Variants in CNDP1 observed in about 807,000 individuals in gnomAD.
CNDP1 encodes the protein carnosine dipeptidase 1.
A neutral mutation model predicts 58.1 loss-of-function variants in CNDP1; 44 were observed. That is an observed-to-expected ratio of 0.76 (90% CI 0.60 to 0.97). The LOEUF is 0.97. Ranked by LOEUF, CNDP1 falls within the 50% of genes least tolerant of loss-of-function variation. The pLI, the probability that CNDP1 is intolerant of heterozygous loss-of-function variation, is 0.00. For synonymous variants in CNDP1, 254 were observed against 252.6 expected, an observed-to-expected ratio of 1.01 and a Z score of -0.05; for missense variants, 616 against 655.1, an observed-to-expected ratio of 0.94 and a Z score of 0.65.
At chr18:74,575,174 G>A (rs1981598845) in intron 7 of CNDP1, among the ~76,000 whole-genome samples, 1 of 151,816 alleles carries the variant, frequency 6.6e-6, no homozygotes, top group South Asian at 2.1e-4. Context: ...GGAAGGAAAA[G>A]GTAAATGAGG....
intron 1 of CNDP1, among the ~76,000 whole-genome samples, chr18:74,535,160 A>G (rs1980455664): frequency 6.6e-6 from 1 of 152,174 alleles, no homozygotes; most frequent in Non-Finnish European, 1.5e-5. Flanking sequence ...CGAGGTTTCC[A>G]TGGTTCAGGT....
At chr18:74,559,001 A>G (rs148725073) in intron 2 of CNDP1, among the ~76,000 whole-genome samples, 2,164 of 152,186 alleles carry the variant, frequency 0.014, 19 homozygotes, top group Non-Finnish European at 0.022. Flanking sequence ...TAATAATTAG[A>G]AACAGTGGGT....
At chr18:74,569,308 A>G (rs1981410243) in intron 6 of CNDP1, among the ~76,000 whole-genome samples, 1 of 152,182 alleles carries the variant, frequency 6.6e-6, no homozygotes, top group Non-Finnish European at 1.5e-5. Context: ...GGCAGGAAGG[A>G]TGGGAGGGAA....
intron 1 of CNDP1, among the ~76,000 whole-genome samples, chr18:74,548,464 G>A (rs777903658): frequency 4.6e-5 from 7 of 152,080 alleles, no homozygotes; most frequent in Non-Finnish European, 1.0e-4. Context: ...AGCAGATGCC[G>A]GCACCATGCT....
intron 1 of CNDP1, among the ~76,000 whole-genome samples, chr18:74,553,170 A>G (rs537753405): frequency 3.6e-4 from 55 of 152,314 alleles, no homozygotes; most frequent in African/African-American, 1.2e-3. Context: ...TATAGTCTCA[A>G]CATAAGTCCT....
Position 74,547,947 on chromosome 18 carries a change from T to C in CNDP1, c.25-8391T>C, listed in dbSNP as rs368425328. Among the ~76,000 whole-genome samples the C allele has an allele frequency of 4.6e-4, 70 of 152,256 alleles. 1 individual carries two copies. The South Asian group carries it at 5.0e-3, about 11-fold the overall frequency. On this transcript the variant is annotated intron_variant, in intron 1 of 11. Coordinates refer to ENST00000358821, the MANE Select transcript of CNDP1 (RefSeq NM_032649.6). ...ACCACCTGGAATAAACACAGGCCTA[T>C]GCAGCAAGTGGGGTTCCCCTCAGGG... is the stretch of plus-strand genomic sequence containing the variant.
intron 5 of CNDP1, among the ~76,000 whole-genome samples, chr18:74,563,933 T>C (rs1329873435): frequency 6.6e-6 from 1 of 152,214 alleles, no homozygotes; most frequent in East Asian, 1.9e-4. Flanking sequence ...AGCAATTGTT[T>C]GCTAGTTCAA....
intron 1 of CNDP1, among the ~76,000 whole-genome samples, chr18:74,542,866 G>A (rs1238644435): frequency 2.0e-5 from 3 of 152,192 alleles, no homozygotes; most frequent in Non-Finnish European, 2.9e-5. Context: ...TTAAGACCTC[G>A]ACCTGGAATG....
In CNDP1 at chr18:74,561,949, G is replaced by C. The variant is rs936830352; in HGVS notation, c.467-98G>C. Reference sequence around the variant, plus strand: ...TGAGCCTGCAATATTATTATAGAAAGCACTGTTAACATCAGTACCCATGAA... The same window carrying C: ...TGAGCCTGCAATATTATTATAGAAACCACTGTTAACATCAGTACCCATGAA... On this transcript the variant is annotated intron_variant, in intron 4 of 11. Coordinates refer to ENST00000358821, the MANE Select transcript of CNDP1 (RefSeq NM_032649.6). 30 of 914,662 alleles carry C rather than the reference G, an allele frequency of 3.3e-5. No individual in the cohort carries two copies. The African/African-American group carries it at 4.6e-4, about 14-fold the overall frequency. The allele number at this position is 914,662 out of a possible 1,614,324, so 56.7% of individuals were successfully genotyped here.
intron 2 of CNDP1, 147 bp from the exon 3 acceptor site, chr18:74,559,176 A>C (rs900568067): frequency 6.8e-6 from 5 of 732,406 alleles, no homozygotes; most frequent in Non-Finnish European, 1.2e-5. Context: ...TAAATGTCAC[A>C]GTGTTCACTG....
chr18:74,542,993 A>G (rs17089378), intron 1 of CNDP1, among the ~76,000 whole-genome samples: 31,602 of 152,294 alleles, frequency 0.21, 3,358 homozygotes, highest in Middle Eastern at 0.27. Context: ...GTTCTGAAGT[A>G]TGTAAGAAAG....
At chr18:74,575,955 C>T (rs1486876490) in intron 7 of CNDP1, among the ~76,000 whole-genome samples, 24 of 150,928 alleles carry the variant, frequency 1.6e-4, no homozygotes, top group Non-Finnish European at 2.8e-4. Context: ...CTGCAACCTC[C>T]GCCTCCTGGG....
rs1980432868 is a variant in CNDP1 at position 74,534,509 on chromosome 18, T to G, written c.-159T>G. 1.4e-6 allele frequency: 1 copy of G among 698,882 alleles called. No individual in the cohort carries two copies. The highest frequency in any genetic ancestry group is 1.8e-5 in the African/African-American group (1 of 56,310). The allele number at this position is 698,882 out of a possible 1,614,324, so 43.3% of individuals were successfully genotyped here. On this transcript the variant is annotated 5_prime_UTR_variant, in exon 1 of 12. Coordinates refer to ENST00000358821, the MANE Select transcript of CNDP1 (RefSeq NM_032649.6). ...AGCCGCTTTGTTCTCCAGATGTGAA[T>G]AGCTCCACTATACCAGCCTCGTCTT...
At chr18:74,540,615 A>C (rs934472849) in intron 1 of CNDP1, among the ~76,000 whole-genome samples, 1 of 152,196 alleles carries the variant, frequency 6.6e-6, no homozygotes, top group Non-Finnish European at 1.5e-5. Flanking sequence ...AGCCGTGTTT[A>C]GATGTGTGGG....
At chr18:74,574,066 G>A (rs1981567351) in intron 7 of CNDP1, among the ~76,000 whole-genome samples, 1 of 152,174 alleles carries the variant, frequency 6.6e-6, no homozygotes, top group Non-Finnish European at 1.5e-5. Flanking sequence ...GACTTCCAGG[G>A]ACCCCTGATG....
At chr18:74,561,056 T>A in intron 4 of CNDP1, 38 bp downstream of exon 4, 1 of 1,590,676 alleles carries the variant, frequency 6.3e-7, no homozygotes, top group Non-Finnish European at 8.6e-7. Flanking sequence ...GGTGCTGCTG[T>A]GCTTGCAAGA....
intron 1 of CNDP1, among the ~76,000 whole-genome samples, chr18:74,536,556 G>A (rs1301219606): frequency 6.6e-6 from 1 of 152,192 alleles, no homozygotes; most frequent in Non-Finnish European, 1.5e-5. Context: ...TGGACATTTA[G>A]GTTGATTCCA....
intron 1 of CNDP1, among the ~76,000 whole-genome samples, chr18:74,536,509 A>G (rs1390019940): frequency 6.6e-6 from 1 of 152,210 alleles, no homozygotes; most frequent in Non-Finnish European, 1.5e-5. Flanking sequence ...ACCATGGTGT[A>G]GATGTACCAC....
intron 6 of CNDP1, among the ~76,000 whole-genome samples, chr18:74,567,698 A>G (rs552687961): frequency 6.6e-6 from 1 of 152,298 alleles, no homozygotes; most frequent in East Asian, 1.9e-4. Flanking sequence ...TTACAAAGCA[A>G]AGCTTGGAAA....
Sources: gnomAD v4.1 joint callset for allele counts (sites outside exome capture counted in the v4.1 genomes callset) on GRCh38, gnomAD v4.1.1 for gene constraint, MANE v1.5 for transcripts, NCBI Gene and HGNC (gene_info 2026-07-23, HGNC 2026-07-21) for gene names.